CATSPERT: variants seen among roughly 807,000 people sequenced by gnomAD.
CATSPERT encodes the protein cation channel sperm-associated targeting subunit tau.
the CATSPERT span, among the ~76,000 whole-genome samples, chr2:201,531,393 CATT>C: frequency 6.6e-6 from 1 of 151,972 alleles, no homozygotes; most frequent in Non-Finnish European, 1.5e-5. Flanking sequence ...AAATACTCAT[CATT>C]ATTACTAGAT....
the CATSPERT span, among the ~76,000 whole-genome samples, chr2:201,570,547 A>G: frequency 6.6e-6 from 1 of 152,176 alleles, no homozygotes; most frequent in Non-Finnish European, 1.5e-5. Flanking sequence ...TAGTAACTCA[A>G]TTGGGTAGTT....
At chr2:201,530,962 T>C in the CATSPERT span, among the ~76,000 whole-genome samples, 1 of 33,716 alleles carries the variant, frequency 3.0e-5, no homozygotes, top group African/African-American at 6.2e-5. Flanking sequence ...TTTTTGTGGG[T>C]TTTTTTTTTT....
chr2:201,499,330 T>G, the CATSPERT span, among the ~76,000 whole-genome samples: 1 of 152,180 alleles, frequency 6.6e-6, no homozygotes, highest in Non-Finnish European at 1.5e-5. Context: ...ATGATAATTA[T>G]CTCAAATTTA....
the CATSPERT span, among the ~76,000 whole-genome samples, chr2:201,529,465 G>C: frequency 6.6e-6 from 1 of 152,124 alleles, no homozygotes; most frequent in African/African-American, 2.4e-5. Flanking sequence ...ATAATTAGTT[G>C]ATATTTGACA....
the CATSPERT span, among the ~76,000 whole-genome samples, chr2:201,594,861 A>G: frequency 2.6e-5 from 4 of 152,062 alleles, no homozygotes; most frequent in Admixed American, 2.6e-4. Context: ...TGTATTGTTT[A>G]TTCTAGTTAT....
the CATSPERT span, among the ~76,000 whole-genome samples, chr2:201,527,847 G>A: frequency 6.6e-6 from 1 of 151,838 alleles, no homozygotes; most frequent in Non-Finnish European, 1.5e-5. Context: ...CATAGACCCT[G>A]GAAAAGATTT....
At chr2:201,502,872 T>A in the CATSPERT span, among the ~76,000 whole-genome samples, 2 of 151,878 alleles carry the variant, frequency 1.3e-5, no homozygotes, top group African/African-American at 2.4e-5. Context: ...CCACTTTGTA[T>A]TTTCACATGT....
the CATSPERT span, among the ~76,000 whole-genome samples, chr2:201,489,895 T>A: frequency 6.6e-6 from 1 of 151,982 alleles, no homozygotes; most frequent in East Asian, 1.9e-4. Context: ...CTTGCTCTCT[T>A]GCCCAGGCTG....
At chr2:201,527,264 C>T in the CATSPERT span, among the ~76,000 whole-genome samples, 2 of 152,090 alleles carry the variant, frequency 1.3e-5, no homozygotes, top group Admixed American at 1.3e-4. Flanking sequence ...ATAGACAAGA[C>T]AAACAAATGG....
At chr2:201,618,566 G>C in the CATSPERT span, among the ~76,000 whole-genome samples, 2 of 137,734 alleles carry the variant, frequency 1.5e-5, no homozygotes, top group Non-Finnish European at 3.1e-5. Context: ...TCGTGGGTTG[G>C]GGGGAGGGAG....
At chr2:201,610,457 C>CAAAA in the CATSPERT span, among the ~76,000 whole-genome samples, 1 of 134,118 alleles carries the variant, frequency 7.5e-6, no homozygotes. Flanking sequence ...GACTCCGTCT[C>CAAAA]AAAAAAAAAA....
chr2:201,572,533 C>T, the CATSPERT span, among the ~76,000 whole-genome samples: 1 of 151,854 alleles, frequency 6.6e-6, no homozygotes, highest in Non-Finnish European at 1.5e-5. Context: ...TAGTAGATTC[C>T]ACCTACATAA....
chr2:201,589,757 A>G, the CATSPERT span, among the ~76,000 whole-genome samples: 1 of 152,168 alleles, frequency 6.6e-6, no homozygotes, highest in Non-Finnish European at 1.5e-5. Flanking sequence ...AAAATTGACA[A>G]ATGGGATCTA....
chr2:201,574,089 A>G, the CATSPERT span: 1 of 616,484 alleles, frequency 1.6e-6, no homozygotes, highest in Non-Finnish European at 2.5e-6. Context: ...CGGGAGGTAA[A>G]GAAGCATCTT....
chr2:201,506,459 T>A, the CATSPERT span, among the ~76,000 whole-genome samples: 12 of 152,238 alleles, frequency 7.9e-5, no homozygotes, highest in Non-Finnish European at 1.5e-4. Flanking sequence ...GAAAATCTAT[T>A]CATGTAATTC....
the CATSPERT span, among the ~76,000 whole-genome samples, chr2:201,525,033 C>T: frequency 2.0e-5 from 3 of 152,228 alleles, no homozygotes; most frequent in Admixed American, 1.3e-4. Context: ...CTTTGACACC[C>T]CACTGAGAGT....
the CATSPERT span, among the ~76,000 whole-genome samples, chr2:201,499,223 G>T: frequency 1.3e-5 from 2 of 152,154 alleles, no homozygotes; most frequent in East Asian, 3.9e-4. Context: ...AGCATAAATA[G>T]AAATATTTCT....
the CATSPERT span, among the ~76,000 whole-genome samples, chr2:201,590,156 C>T: frequency 6.7e-6 from 1 of 148,352 alleles, no homozygotes; most frequent in Non-Finnish European, 1.5e-5. Context: ...CCACAACAGT[C>T]CCCAGAGTGT....
At chr2:201,522,408 C>G in the CATSPERT span, among the ~76,000 whole-genome samples, 3 of 152,004 alleles carry the variant, frequency 2.0e-5, no homozygotes, top group Non-Finnish European at 4.4e-5. Context: ...ATAAGATCAT[C>G]AAGAAGACCA....
Sources: gnomAD v4.1 joint callset for allele counts (sites outside exome capture counted in the v4.1 genomes callset) on GRCh38, gnomAD v4.1.1 for gene constraint, MANE v1.5 for transcripts, NCBI Gene and HGNC (gene_info 2026-07-23, HGNC 2026-07-21) for gene names.